DNAH5: variants seen among roughly 807,000 people sequenced by gnomAD.
The protein encoded by DNAH5 is axonemal beta dynein heavy chain 5.
A neutral mutation model predicts 518.2 loss-of-function variants in DNAH5; 372 were observed. The observed-to-expected ratio is 0.72, with a 90% CI of 0.66 to 0.78. The LOEUF (loss-of-function observed/expected upper bound fraction) is 0.78. DNAH5 is among the 30% of genes least tolerant of loss of function. The pLI is 0.00. For synonymous variants in DNAH5, 2,039 were observed against 2,025.9 expected (o/e 1.01, Z -0.17); for missense variants, 5,523 against 5,687.0 (o/e 0.97, Z 0.93).
chr5:13,922,363 A>C (rs773948427), intron 4 of DNAH5, 35 bp from the exon 5 acceptor site: 1 of 1,570,904 alleles, frequency 6.4e-7, no homozygotes, highest in South Asian at 1.1e-5. Context: ...TATTGTAAAA[A>C]TCATCCTCAA....
At chr5:13,855,208 T>TAATGCCCATACTC (rs1580603791) in intron 30 of DNAH5, among the ~76,000 whole-genome samples, 3 of 84,688 alleles carry the variant, frequency 3.5e-5, no homozygotes, top group Admixed American at 2.3e-4. Context: ...TCTTACATTT[T>TAATGCCCATACTC]TTTTTTTTTT....
At chr5:13,885,345 T>C (rs1348301389) in intron 18 of DNAH5, 117 bp from the exon 19 acceptor site, 7 of 1,309,226 alleles carry the variant, frequency 5.3e-6, no homozygotes, top group Middle Eastern at 2.4e-4. Context: ...ATAAATTACA[T>C]GCAAGTTTAG....
At chr5:13,771,019 G>A (rs1451792228) in intron 55 of DNAH5, 39 bp from the exon 56 acceptor site, 7 of 1,490,196 alleles carry the variant, frequency 4.7e-6, no homozygotes, top group Non-Finnish European at 6.5e-6. Flanking sequence ...AAATATGTAT[G>A]TAAGTTACCC....
intron 75 of DNAH5, among the ~76,000 whole-genome samples, chr5:13,713,121 A>ATATATATC (rs1424857957): frequency 2.7e-5 from 4 of 148,786 alleles, no homozygotes; most frequent in Non-Finnish European, 5.9e-5. Context: ...ATATATATAT[A>ATATATATC]TATACACACA....
At chr5:13,800,117 T>C (rs1158039413) in intron 47 of DNAH5, among the ~76,000 whole-genome samples, 3 of 152,158 alleles carry the variant, frequency 2.0e-5, no homozygotes, top group Middle Eastern at 6.3e-3. Context: ...ATAAACTGTG[T>C]GTTGTGCACC....
intron 31 of DNAH5, among the ~76,000 whole-genome samples, chr5:13,848,053 T>C (rs1438289371): frequency 3.3e-5 from 5 of 152,202 alleles, no homozygotes; most frequent in African/African-American, 1.2e-4. Flanking sequence ...ATCCAAGAAC[T>C]GTTTAGTGGT....
At chr5:13,709,312 C>A (rs1209209651) in intron 75 of DNAH5, among the ~76,000 whole-genome samples, 1 of 152,074 alleles carries the variant, frequency 6.6e-6, no homozygotes, top group Non-Finnish European at 1.5e-5. Context: ...TTGTCCAGGT[C>A]ATCTCTTAAA....
chr5:13,729,406 A>G (rs1323004523), intron 69 of DNAH5, 33 bp downstream of exon 69: 10 of 1,613,322 alleles, frequency 6.2e-6, no homozygotes, highest in Non-Finnish European at 8.5e-6. Context: ...GCTCAACATG[A>G]CATCAGCTTA....
chr5:13,950,252 T>G (rs1175170967), intron 1 of DNAH5, among the ~76,000 whole-genome samples: 1 of 152,118 alleles, frequency 6.6e-6, no homozygotes, highest in Non-Finnish European at 1.5e-5. Context: ...GATGCCCATA[T>G]TTTGAACAAA....
chr5:13,907,668 C>T (rs746795151), intron 12 of DNAH5, among the ~76,000 whole-genome samples: 1 of 152,000 alleles, frequency 6.6e-6, no homozygotes, highest in Admixed American at 6.5e-5. Flanking sequence ...TAACTATGAC[C>T]CTCCCCCCAA....
At chr5:13,828,350 T>C (rs774158980) in intron 38 of DNAH5, among the ~76,000 whole-genome samples, 4 of 152,250 alleles carry the variant, frequency 2.6e-5, no homozygotes, top group Non-Finnish European at 5.9e-5. Flanking sequence ...TTATTCATGT[T>C]ATAGTCTCAT....
At chr5:13,774,299 T>C (rs1262654282) in intron 55 of DNAH5, among the ~76,000 whole-genome samples, 2 of 152,016 alleles carry the variant, frequency 1.3e-5, no homozygotes, top group African/African-American at 2.4e-5. Context: ...GAGGTGTTGA[T>C]GACAAAGGGG....
At chr5:13,737,769 CA>C (rs1195685416) in intron 65 of DNAH5, among the ~76,000 whole-genome samples, 3 of 150,338 alleles carry the variant, frequency 2.0e-5, no homozygotes, top group South Asian at 2.1e-4. Flanking sequence ...TACTAAAATA[CA>C]AAAAAAAATA....
chr5:13,894,722 G>C lies in DNAH5; in HGVS notation c.2359C>G (p.Pro787Ala). The C allele has an allele frequency of 6.2e-7, 1 of 1,614,160 alleles. No individual in the cohort carries two copies. Among genetic ancestry groups the C allele is most frequent in the Non-Finnish European group, 8.5e-7 (1 of 1,179,978 alleles). ...HLAKVDEALQPGLAALTWTSL... is the reference protein window; with the variant it reads ...HLAKVDEALQAGLAALTWTSL... ...GTCCAGGTCAGTGCAGCCAAGCCAG[G>C]TTGGAGAGCTTCATCCACTTTGGCC... The change falls in exon 16 of 79, where the codon CCT (proline) becomes GCT (alanine). Residue 787 changes from proline (P) to alanine (A), a missense_variant. Coordinates refer to ENST00000265104, the MANE Select transcript of DNAH5 (RefSeq NM_001369.3).
At chr5:13,778,368 G>A (rs1189493832) in intron 53 of DNAH5, among the ~76,000 whole-genome samples, 4 of 151,312 alleles carry the variant, frequency 2.6e-5, no homozygotes, top group Non-Finnish European at 5.9e-5. Flanking sequence ...AGATCCGAGA[G>A]ATCAGAAAAC....
chr5:13,962,500 A>G (rs1236639034), intron 1 of DNAH5, among the ~76,000 whole-genome samples: 1 of 152,222 alleles, frequency 6.6e-6, no homozygotes, highest in Non-Finnish European at 1.5e-5. Flanking sequence ...TTAAAGAGAA[A>G]CTGAACCAGA....
intron 1 of DNAH5, among the ~76,000 whole-genome samples, chr5:13,987,261 G>A (rs1277705066): frequency 1.3e-5 from 2 of 151,976 alleles, no homozygotes; most frequent in Non-Finnish European, 2.9e-5. Flanking sequence ...TGCTTTTTAG[G>A]GAACTCAATC....
intron 14 of DNAH5, chr5:13,900,652 GATAA>G (rs1425420942): frequency 5.6e-6 from 3 of 533,506 alleles, no homozygotes; most frequent in African/African-American, 3.8e-5. Flanking sequence ...CTCTAACACT[GATAA>G]ATAAGTGGAC....
In DNAH5 at chr5:13,886,135, C is replaced by CAAAA. The variant is rs71600031; in HGVS notation, c.2578-10_2578-7dup. 3.5e-5 allele frequency: 47 copies of CAAAA among 1,342,228 alleles called. No individual in the cohort carries two copies. Among genetic ancestry groups the CAAAA allele is most frequent in the East Asian group, 1.9e-4 (7 of 36,568 alleles). 83.1% of individuals were successfully genotyped at this position (1,342,228 alleles called of 1,614,324 possible). ...GCACCATTTACACAAAGATCCTAAC[C>CAAAA]AAAAAAAAAAAAAAAAAAAGATAGC... On this transcript the variant is annotated splice_polypyrimidine_tract_variant and splice_region_variant and intron_variant, in intron 17 of 78. Coordinates refer to ENST00000265104, the MANE Select transcript of DNAH5 (RefSeq NM_001369.3).
Sources: allele counts gnomAD v4.1 joint callset (sites outside exome capture counted in the v4.1 genomes callset), GRCh38; gene constraint gnomAD v4.1.1; transcripts MANE v1.5; gene names NCBI Gene and HGNC (gene_info 2026-07-23, HGNC 2026-07-21).